Variants in CYP51A1 observed in about 807,000 individuals in gnomAD.
The protein encoded by CYP51A1 is lanosterol 14-alpha demethylase.
Under a neutral mutation model 53.5 loss-of-function variants are expected in CYP51A1, and 45 were observed. The observed-to-expected ratio is 0.84, with a 90% CI of 0.66 to 1.08. The LOEUF (loss-of-function observed/expected upper bound fraction) is 1.08, where lower values mean the gene tolerates loss of function less well. Ranked by LOEUF, CYP51A1 falls within the 50% of genes least tolerant of loss-of-function variation. CYP51A1 has a pLI of 0.00. For synonymous variants in CYP51A1, 181 were observed against 217.7 expected (o/e 0.83, Z 1.48); for missense variants, 462 against 621.7 (o/e 0.74, Z 2.73).
intron 9 of CYP51A1, among the ~76,000 whole-genome samples, chr7:92,116,231 C>T (rs1819577561): frequency 6.6e-6 from 1 of 152,112 alleles, no homozygotes; most frequent in African/African-American, 2.4e-5. Context: ...AGAGATTGTG[C>T]CACTGCACTC....
At chr7:92,134,714 G>T (rs2130961982), upstream of CYP51A1, 1 of 251,216 alleles carries the variant, frequency 4.0e-6, no homozygotes, top group South Asian at 1.2e-4. Flanking sequence ...CGTTTTTTGT[G>T]TGCCCGGGTG....
intron 8 of CYP51A1, 67 bp downstream of exon 8, chr7:92,118,453 C>G (rs1819621604): frequency 4.1e-5 from 37 of 894,408 alleles, no homozygotes; most frequent in Non-Finnish European, 6.3e-5. Flanking sequence ...AACCACCACA[C>G]CCACCTATTT....
At chr7:92,124,696 C>T (rs947497194) in intron 5 of CYP51A1, among the ~76,000 whole-genome samples, 4 of 152,186 alleles carry the variant, frequency 2.6e-5, no homozygotes, top group Admixed American at 6.5e-5. Context: ...ACCAGGAAAA[C>T]ATAGGCCTGT....
chr7:92,133,747 A>C (rs965268318), intron 1 of CYP51A1, among the ~76,000 whole-genome samples: 9 of 152,114 alleles, frequency 5.9e-5, no homozygotes, highest in African/African-American at 2.2e-4. Context: ...AGCTGCCAAC[A>C]GCATCTCCGT....
At chr7:92,121,373 T>C (rs562730968) in intron 7 of CYP51A1, among the ~76,000 whole-genome samples, 72 of 152,042 alleles carry the variant, frequency 4.7e-4, no homozygotes, top group East Asian at 2.5e-3. Context: ...GACCAACATA[T>C]ACTGTTTAGT....
chr7:92,128,782 C>A, intron 3 of CYP51A1, 98 bp downstream of exon 3: 2 of 1,106,728 alleles, frequency 1.8e-6, no homozygotes, highest in East Asian at 2.6e-5. Context: ...AGCCACCATG[C>A]CTGGCTGTTT....
upstream of CYP51A1, chr7:92,134,705 G>A: frequency 7.4e-6 from 2 of 271,870 alleles, no homozygotes; most frequent in Non-Finnish European, 1.4e-5. Flanking sequence ...CGGGCGACCC[G>A]TTTTTTGTGT....
rs763768697 is a variant in CYP51A1, at chr7:92,126,425, C to T, written c.598G>A (p.Val200Met). ...ATGAGCTCAGAAAGAGCTTCAAACACATCTAGGGAGAAAAAAAAGATTATT... is the reference window on the plus strand; with the variant it reads ...ATGAGCTCAGAAAGAGCTTCAAACATATCTAGGGAGAAAAAAAAGATTATT... The part of the protein sequence containing the change: ...ESWGESGEKN[V>M]FEALSELIIL... The change falls in exon 5 of 10, where the codon GTG becomes ATG. Residue 200 changes from valine (V) to methionine (M), a missense_variant and splice_region_variant. Coordinates refer to ENST00000003100, the MANE Select transcript of CYP51A1 (RefSeq NM_000786.4). 2 of 1,586,188 alleles carry T rather than the reference C, an allele frequency of 1.3e-6. No individual in the cohort carries two copies. Among genetic ancestry groups the T allele is most frequent in the Non-Finnish European group, 1.7e-6 (2 of 1,172,362 alleles).
chr7:92,119,900 T>C (rs1311342935), intron 7 of CYP51A1, among the ~76,000 whole-genome samples: 1 of 151,896 alleles, frequency 6.6e-6, no homozygotes, highest in Non-Finnish European at 1.5e-5. Context: ...ATGGAGAATA[T>C]CAATATATTA....
At chr7:92,128,324 T>C (rs1000189717) in intron 3 of CYP51A1, among the ~76,000 whole-genome samples, 8 of 152,050 alleles carry the variant, frequency 5.3e-5, no homozygotes, top group Non-Finnish European at 1.2e-4. Flanking sequence ...TAAATACCCA[T>C]TACTTATCAG....
chr7:92,116,712 G>A (rs1819585440), intron 9 of CYP51A1, among the ~76,000 whole-genome samples: 1 of 152,164 alleles, frequency 6.6e-6, no homozygotes, highest in Non-Finnish European at 1.5e-5. Flanking sequence ...TGAATGGTGT[G>A]CTGACTCCAA....
At chr7:92,134,062 C>T in intron 1 of CYP51A1, 111 bp downstream of exon 1, 1 of 1,050,114 alleles carries the variant, frequency 9.5e-7, no homozygotes, top group African/African-American at 1.7e-5. Context: ...GCAGTCGCCC[C>T]CGCCCTTGCC....
rs540688443 is a variant in CYP51A1 at position 92,113,324 on chromosome 7, G to A, written c.*341C>T. On this transcript the variant is annotated 3_prime_UTR_variant, in exon 10 of 10. Transcript: ENST00000003100. ...GACTAGTCCAAGATTTGAATACCCTGAACTTATTTGGCAAGAGCGATGAGT... is the reference window on the plus strand; with the variant it reads ...GACTAGTCCAAGATTTGAATACCCTAAACTTATTTGGCAAGAGCGATGAGT... The A allele has an allele frequency of 9.5e-6, 2 of 209,750 alleles. No homozygotes were observed. The highest frequency in any genetic ancestry group is 6.2e-5 in the Admixed American group (1 of 16,122). 13.0% of individuals were successfully genotyped at this position (209,750 alleles called of 1,614,324 possible).
chr7:92,126,209 A>G, intron 5 of CYP51A1, 44 bp downstream of exon 5: 1 of 1,395,350 alleles, frequency 7.2e-7, no homozygotes, highest in Non-Finnish European at 9.6e-7. Context: ...TACAATAATT[A>G]TACAAAGTTA....
At chr7:92,133,879 C>T (rs1231221560) in intron 1 of CYP51A1, among the ~76,000 whole-genome samples, 1 of 152,218 alleles carries the variant, frequency 6.6e-6, no homozygotes, top group East Asian at 1.9e-4. Flanking sequence ...ACCACAAATG[C>T]CGCAACCACG....
chr7:92,113,501 A>G lies in CYP51A1; in HGVS notation c.*164T>C, dbSNP rs1819510927. On this transcript the variant is annotated 3_prime_UTR_variant, in exon 10 of 10. Transcript: ENST00000003100. The stretch of plus-strand genomic sequence containing the variant: ...AATGTTTCAAATGCTATTATATTTG[A>G]TAGAACCATTCAGTTAACAAAATCC... 16 of 612,164 alleles carry G rather than the reference A, an allele frequency of 2.6e-5. No homozygotes were observed. In the South Asian group the frequency reaches 3.6e-4, roughly 14 times the overall value. 37.9% of individuals were successfully genotyped at this position (612,164 alleles called of 1,614,324 possible).
chr7:92,124,205 T>A (rs1264757760), intron 5 of CYP51A1, among the ~76,000 whole-genome samples: 2 of 152,184 alleles, frequency 1.3e-5, no homozygotes, highest in African/African-American at 4.8e-5. Flanking sequence ...TAAATTAACA[T>A]AAAATTCCAA....
At position 92,113,461 on chromosome 7, in the gene CYP51A1, T is replaced by C. The variant is rs1819509648; in HGVS notation, c.*204A>G. On this transcript the variant is annotated 3_prime_UTR_variant, in exon 10 of 10. Coordinates refer to ENST00000003100, the MANE Select transcript of CYP51A1 (RefSeq NM_000786.4). ...CTTCCTGAAAGCACATGTATAAGTA[T>C]CATAACTATTAGAAAATGTTTCAAA... 1.9e-6 allele frequency: 1 copy of C among 519,668 alleles called. No individual in the cohort carries two copies. The highest frequency in any genetic ancestry group is 3.3e-6 in the Non-Finnish European group (1 of 300,328). The allele number at this position is 519,668 out of a possible 1,614,324, so 32.2% of individuals were successfully genotyped here. A position where few individuals can be genotyped will look rare whatever the true frequency, so the allele number is the denominator to read the frequency against.
At position 92,117,115 on chromosome 7, in the gene CYP51A1, A is replaced by C; in HGVS notation, c.1280T>G (p.Phe427Cys). ...ATCCTGTAAGTAGCGATCAGGATTA[A>C]AGTCCAGGCGTTCTACCCATGAGTC... The part of the protein sequence containing the change: ...LKDSWVERLD[F>C]NPDRYLQDNP... Residue 427 changes from phenylalanine (F) to cysteine (C), a missense_variant, in exon 9 of 10, where the codon TTT becomes TGT. Phe to Cys is a radical substitution (Grantham distance 205). Transcript: ENST00000003100. 6.2e-7 allele frequency: 1 copy of C among 1,614,138 alleles called. No individual in the cohort carries two copies. The highest frequency in any genetic ancestry group is 8.5e-7 in the Non-Finnish European group (1 of 1,179,998).
Sources: allele counts gnomAD v4.1 joint callset (sites outside exome capture counted in the v4.1 genomes callset), GRCh38; gene constraint gnomAD v4.1.1; transcripts MANE v1.5; gene names NCBI Gene and HGNC (gene_info 2026-07-23, HGNC 2026-07-21).